MAP2: variants seen among roughly 807,000 people sequenced by gnomAD.
MAP2 encodes the protein microtubule-associated protein 2.
A neutral mutation model predicts 137.6 loss-of-function variants in MAP2; 14 were observed. The observed-to-expected ratio is 0.10, with a 90% confidence interval of 0.07 to 0.16. The LOEUF (loss-of-function observed/expected upper bound fraction) is 0.16, where lower values mean the gene tolerates loss of function less well. Among genes scored for constraint, MAP2 ranks in the 10% least tolerant of loss-of-function variants. The pLI is 1.00. For missense variants in MAP2, 2,088 were observed against 2,191.5 expected (o/e 0.95, Z 0.94); for synonymous variants, 786 against 782.3 (o/e 1.00, Z -0.08).
intron 1 of MAP2, among the ~76,000 whole-genome samples, chr2:209,438,862 A>G (rs1257987871): frequency 2.0e-5 from 3 of 151,376 alleles, no homozygotes; most frequent in Non-Finnish European, 4.4e-5. Context: ...TTCAAAACAC[A>G]GACAATATTT....
intron 1 of MAP2, among the ~76,000 whole-genome samples, chr2:209,443,134 C>T (rs566125721): frequency 1.3e-5 from 2 of 151,606 alleles, no homozygotes; most frequent in South Asian, 2.1e-4. Flanking sequence ...TTTTCAGCCA[C>T]TCCCTTCCTG....
At chr2:209,654,913 T>G (rs549436951) in intron 5 of MAP2, among the ~76,000 whole-genome samples, 21 of 152,290 alleles carry the variant, frequency 1.4e-4, no homozygotes, top group African/African-American at 4.8e-4. Flanking sequence ...TGAAAACAAT[T>G]GAAAAGTCTT....
chr2:209,506,186 T>TA (rs893786118), intron 1 of MAP2, among the ~76,000 whole-genome samples: 6 of 151,616 alleles, frequency 4.0e-5, no homozygotes, highest in Admixed American at 6.6e-5. Flanking sequence ...CTCAGATACT[T>TA]AAAAAAAAAT....
At chr2:209,462,720 CTAAT>C in intron 1 of MAP2, among the ~76,000 whole-genome samples, 1 of 152,118 alleles carries the variant, frequency 6.6e-6, no homozygotes, top group Non-Finnish European at 1.5e-5. Context: ...TTAAACTAGT[CTAAT>C]TATGACTAGT....
intron 2 of MAP2, among the ~76,000 whole-genome samples, chr2:209,553,259 C>T (rs1374669102): frequency 6.6e-6 from 1 of 152,102 alleles, no homozygotes; most frequent in Non-Finnish European, 1.5e-5. Context: ...GGTCCACCAG[C>T]CTCGGCCTCC....
chr2:209,504,478 G>T (rs929055559), intron 1 of MAP2, among the ~76,000 whole-genome samples: 7 of 152,238 alleles, frequency 4.6e-5, no homozygotes, highest in African/African-American at 1.7e-4. Flanking sequence ...GCAGTTTCAG[G>T]TTAGACTTTC....
At chr2:209,474,928 A>G (rs1049967568) in intron 1 of MAP2, among the ~76,000 whole-genome samples, 8 of 152,044 alleles carry the variant, frequency 5.3e-5, no homozygotes, top group African/African-American at 1.9e-4. Context: ...CCCTCCTGCC[A>G]GAGATAATTT....
chr2:209,457,621 A>G (rs1253560095), intron 1 of MAP2, among the ~76,000 whole-genome samples: 4 of 152,208 alleles, frequency 2.6e-5, no homozygotes, highest in Admixed American at 6.5e-5. Flanking sequence ...CTGAGCATCA[A>G]ATTCCTCATC....
At chr2:209,591,329 C>T (rs1392203104) in intron 3 of MAP2, among the ~76,000 whole-genome samples, 2 of 152,184 alleles carry the variant, frequency 1.3e-5, no homozygotes, top group African/African-American at 2.4e-5. Flanking sequence ...GCCAGGGATG[C>T]TGCTAAACCT....
intron 11 of MAP2, chr2:209,704,537 G>A: frequency 1.2e-6 from 2 of 1,612,790 alleles, no homozygotes; most frequent in Non-Finnish European, 1.7e-6. Flanking sequence ...GACTAAAAGG[G>A]CTACATTTTC....
At chr2:209,463,135 A>G (rs1049435973) in intron 1 of MAP2, among the ~76,000 whole-genome samples, 12 of 152,172 alleles carry the variant, frequency 7.9e-5, no homozygotes, top group African/African-American at 2.2e-4. Flanking sequence ...TGTTGAGATG[A>G]GAAAAGGCAG....
intron 3 of MAP2, among the ~76,000 whole-genome samples, chr2:209,624,233 A>G (rs1245203434): frequency 2.0e-5 from 3 of 152,054 alleles, no homozygotes; most frequent in African/African-American, 7.2e-5. Context: ...GACGGGGTCC[A>G]CTCTACCAGG....
Position 209,694,451 on chromosome 2 carries a change from G to A in MAP2, c.2281G>A (p.Val761Ile), listed in dbSNP as rs760392717. The A allele has an allele frequency of 4.3e-6, 7 of 1,613,916 alleles. No homozygotes were observed. Among genetic ancestry groups the A allele is most frequent in the African/African-American group, 2.7e-5 (2 of 74,904 alleles). Reference protein sequence around the residue: ...PALEKAPCFPVESKEEEQIEK... With the variant: ...PALEKAPCFPIESKEEEQIEK... ...ACTGGAGAAAGCCCCTTGCTTCCCT[G>A]TAGAAAGCAAAGAGGAAGAACAGAT... The change falls in exon 8 of 16, where the codon GTA (valine) becomes ATA (isoleucine). Residue 761 changes from valine (V) to isoleucine (I), a missense_variant. Val to Ile is a conservative substitution (Grantham distance 29). Around this residue, in one of 6 missense-constraint regions of MAP2, gnomAD observed 500 missense variants for 482.9 expected, o/e 1.04. Coordinates refer to ENST00000682079, the MANE Select transcript of MAP2 (RefSeq NM_001375505.1).
intron 4 of MAP2, among the ~76,000 whole-genome samples, chr2:209,628,314 G>A (rs1180418556): frequency 6.6e-6 from 1 of 152,120 alleles, no homozygotes; most frequent in East Asian, 1.9e-4. Context: ...GCAGTGAGCC[G>A]AGATATTTTT....
intron 13 of MAP2, among the ~76,000 whole-genome samples, chr2:209,717,053 G>T (rs1459361226): frequency 1.3e-5 from 2 of 152,154 alleles, no homozygotes; most frequent in Non-Finnish European, 2.9e-5. Flanking sequence ...TTAGTGAAAT[G>T]TAGGGTGGAA....
At chr2:209,491,532 C>G (rs1461690588) in intron 1 of MAP2, among the ~76,000 whole-genome samples, 1 of 151,960 alleles carries the variant, frequency 6.6e-6, no homozygotes, top group Non-Finnish European at 1.5e-5. Context: ...AAAAGATTAA[C>G]AAAATACATA....
At chr2:209,690,523 A>G in intron 7 of MAP2, 1 of 1,113,674 alleles carries the variant, frequency 9.0e-7, no homozygotes, top group Non-Finnish European at 1.1e-6. Context: ...AATGGAGCTG[A>G]AAGTGTTCCT....
rs371506846 is a variant in MAP2 at position 209,694,249 on chromosome 2, T to A, written c.2079T>A (p.Ser693=). ...GGAGTTTAGGACTTGGTGGTAGGTC[T>A]GCAATAGAACAAAGAAGCATGTCAA... ...LSRSLGLGGR[S]AIEQRSMSIN... Residue 693 remains serine, a synonymous_variant, in exon 8 of 16, where the codon TCT becomes TCA. Coordinates refer to ENST00000682079, the MANE Select transcript of MAP2 (RefSeq NM_001375505.1). 18 of 1,614,094 alleles carry A rather than the reference T, an allele frequency of 1.1e-5. No individual in the cohort carries two copies. In the African/African-American group the frequency reaches 2.3e-4, roughly 20 times the overall value.
intron 1 of MAP2, among the ~76,000 whole-genome samples, chr2:209,434,896 T>TTATATATATATGTTA (rs1695452254): frequency 1.4e-5 from 2 of 138,390 alleles, no homozygotes; most frequent in African/African-American, 5.6e-5. Context: ...TATATATATG[T>TTATATATATATGTTA]TATATATATA....
Sources: allele counts gnomAD v4.1 joint callset (sites outside exome capture counted in the v4.1 genomes callset), GRCh38; gene constraint gnomAD v4.1.1; regional missense constraint gnomAD v4.1.1; transcripts MANE v1.5; gene names NCBI Gene and HGNC (gene_info 2026-07-23, HGNC 2026-07-21).